Variants in NPAS3 observed in about 807,000 individuals in gnomAD.
The protein encoded by NPAS3 is neuronal PAS domain-containing protein 3.
In NPAS3, 14 loss-of-function variants were observed where a neutral mutation model predicts 73.1. The observed-to-expected ratio is 0.19, with a 90% CI of 0.13 to 0.30. The LOEUF is 0.30. Ranked by LOEUF, NPAS3 falls within the 10% of genes least tolerant of loss-of-function variation. The probability of loss-of-function intolerance (pLI) is 1.00; values close to 1 mark genes in which losing one functional copy is unlikely to be tolerated. For missense variants in NPAS3, 1,096 were observed against 1,250.0 expected (o/e 0.88, Z 1.86); for synonymous variants, 620 against 541.5 (o/e 1.14, Z -2.01).
intron 5 of NPAS3, among the ~76,000 whole-genome samples, chr14:33,671,514 AC>A (rs2059609605): frequency 6.6e-6 from 1 of 152,204 alleles, no homozygotes; most frequent in South Asian, 2.1e-4. Flanking sequence ...TCTGGATGGC[AC>A]TAGTGACTAT....
At chr14:33,409,903 G>C (rs17578248) in intron 4 of NPAS3, among the ~76,000 whole-genome samples, 13,092 of 152,136 alleles carry the variant, frequency 0.086, 659 homozygotes, top group Non-Finnish European at 0.11. Flanking sequence ...TGGAGACATT[G>C]CTAAAACATT....
intron 2 of NPAS3, among the ~76,000 whole-genome samples, chr14:33,206,390 C>T (rs1380326142): frequency 1.3e-5 from 2 of 152,134 alleles, no homozygotes; most frequent in African/African-American, 2.4e-5. Context: ...CTGCTTTTAG[C>T]ACCTAAAGTC....
At chr14:33,587,319 C>T (rs1340910564) in intron 5 of NPAS3, among the ~76,000 whole-genome samples, 1 of 152,132 alleles carries the variant, frequency 6.6e-6, no homozygotes, top group African/African-American at 2.4e-5. Flanking sequence ...AAAACTAGCA[C>T]TTATGACAGA....
intron 2 of NPAS3, among the ~76,000 whole-genome samples, chr14:33,204,882 A>T (rs2046766175): frequency 1.3e-5 from 2 of 152,192 alleles, no homozygotes; most frequent in Admixed American, 1.3e-4. Flanking sequence ...TATTGCAAAA[A>T]GTAGGGAAAG....
At chr14:33,200,727 C>A (rs2046582557) in intron 2 of NPAS3, among the ~76,000 whole-genome samples, 3 of 152,130 alleles carry the variant, frequency 2.0e-5, no homozygotes, top group African/African-American at 7.2e-5. Context: ...GATCTGGCAA[C>A]TTTGGGGCCA....
chr14:33,311,387 A>G (rs1438600720), intron 3 of NPAS3, among the ~76,000 whole-genome samples: 2 of 152,154 alleles, frequency 1.3e-5, no homozygotes, highest in Non-Finnish European at 2.9e-5. Context: ...CTGGTATATT[A>G]GTGGTCATAA....
intron 4 of NPAS3, among the ~76,000 whole-genome samples, chr14:33,470,897 A>T (rs1316590442): frequency 6.6e-6 from 1 of 151,488 alleles, no homozygotes; most frequent in Non-Finnish European, 1.5e-5. Context: ...AACCTTGAGA[A>T]ACTCACAAGC....
intron 2 of NPAS3, among the ~76,000 whole-genome samples, chr14:33,152,661 G>A (rs2044492882): frequency 6.6e-6 from 1 of 152,126 alleles, no homozygotes; most frequent in Non-Finnish European, 1.5e-5. Context: ...CGGAATTTGA[G>A]GCCGTTTTTC....
chr14:33,669,937 C>CAG (rs2059564477), intron 5 of NPAS3, among the ~76,000 whole-genome samples: 1 of 151,968 alleles, frequency 6.6e-6, no homozygotes, highest in African/African-American at 2.4e-5. Context: ...GTTTTTGAGA[C>CAG]AGAGTCTCAC....
Position 33,669,815 on chromosome 14 carries a change from T to C in NPAS3, c.559-6396T>C, listed in dbSNP as rs138725920. Among the ~76,000 whole-genome samples, 674 of 152,346 alleles carry C rather than the reference T, an allele frequency of 4.4e-3. 6 individuals carry two copies. The highest frequency in any genetic ancestry group is 0.016 in the African/African-American group (659 of 41,578). On this transcript the variant is annotated intron_variant, in intron 5 of 11. Coordinates refer to ENST00000356141, the Ensembl canonical transcript of NPAS3. ...CTTCTCTGAGAACTAGGAGACCCAC[T>C]GATCCCCTGGAATTATCTTCTGGCA...
At chr14:33,024,437 T>A (rs2039728296) in intron 1 of NPAS3, among the ~76,000 whole-genome samples, 7 of 152,114 alleles carry the variant, frequency 4.6e-5, no homozygotes, top group Admixed American at 4.6e-4. Flanking sequence ...CCCAAAGTGC[T>A]GGGATTACAG....
Position 33,795,682 on chromosome 14 carries a change from A to G in NPAS3, c.1301+1638A>G, listed in dbSNP as rs555285360. On this transcript the variant is annotated intron_variant, in intron 10 of 11. Transcript: ENST00000356141. The stretch of plus-strand genomic sequence containing the variant: ...CTCCCATTCTCTGAGATTTCTTCCT[A>G]TCTGGATCTTTCTTACTGCCTCATC... Among the ~76,000 whole-genome samples the G allele has an allele frequency of 2.6e-5, 4 of 152,262 alleles. No individual in the cohort carries two copies. The East Asian group carries it at 7.7e-4, about 29-fold the overall frequency.
chr14:33,476,182 T>C (rs1354374543), intron 4 of NPAS3, among the ~76,000 whole-genome samples: 1 of 152,230 alleles, frequency 6.6e-6, no homozygotes, highest in African/African-American at 2.4e-5. Context: ...GAAAGAGAAA[T>C]CTTGTTGTCA....
chr14:33,102,093 TG>T (rs2042593756), intron 2 of NPAS3, among the ~76,000 whole-genome samples: 1 of 152,108 alleles, frequency 6.6e-6, no homozygotes, highest in African/African-American at 2.4e-5. Flanking sequence ...CATCATCTCT[TG>T]CCTGAATCAA....
chr14:33,529,088 G>A (rs1462548106), intron 4 of NPAS3, among the ~76,000 whole-genome samples: 1 of 152,060 alleles, frequency 6.6e-6, no homozygotes, highest in Non-Finnish European at 1.5e-5. Flanking sequence ...CTAATGCTTG[G>A]GGTAAATGTT....
At chr14:33,204,781 A>G (rs1191897373) in intron 2 of NPAS3, among the ~76,000 whole-genome samples, 1 of 152,138 alleles carries the variant, frequency 6.6e-6, no homozygotes, top group Non-Finnish European at 1.5e-5. Flanking sequence ...TTGAGAAGGG[A>G]TGAAGACTTC....
intron 3 of NPAS3, among the ~76,000 whole-genome samples, chr14:33,274,661 A>G (rs965399986): frequency 2.0e-4 from 30 of 152,302 alleles, no homozygotes; most frequent in Middle Eastern, 3.4e-3. Context: ...TATAAAACTC[A>G]GAGTCATCTC....
intron 2 of NPAS3, among the ~76,000 whole-genome samples, chr14:33,088,912 C>G (rs1169977428): frequency 1.3e-5 from 2 of 152,182 alleles, no homozygotes; most frequent in Non-Finnish European, 2.9e-5. Flanking sequence ...CCCAGGCAGA[C>G]AGGGTCTGGA....
chr14:33,800,701 G>A lies in NPAS3; in HGVS notation c.2394G>A (p.Ala798=), dbSNP rs2063684370. 6 of 1,547,462 alleles carry A rather than the reference G, an allele frequency of 3.9e-6. No homozygotes were observed. The highest frequency in any genetic ancestry group is 1.7e-6 in the Non-Finnish European group (2 of 1,148,624). Residue 798 remains alanine (A), a synonymous_variant, in exon 12 of 12, where the codon GCG becomes GCA. Coordinates refer to ENST00000356141, the Ensembl canonical transcript of NPAS3. This position sits in a 1 kb window ranked among gnomAD's most constrained non-coding sequence, Gnocchi z 6.5. ...TGGAGGCGCTGCAGAGGTTGCAGGC[G>A]GGCAACGTCGTGCTCCCGCTGGTGC...
Sources: gnomAD v4.1 joint callset for allele counts (sites outside exome capture counted in the v4.1 genomes callset) on GRCh38, gnomAD v4.1.1 for gene constraint, Gnocchi (gnomAD v3.1) non-coding constraint, MANE v1.5 for transcripts, NCBI Gene and HGNC (gene_info 2026-07-23, HGNC 2026-07-21) for gene names.